Variants in INSC observed in about 807,000 individuals in gnomAD.
The protein encoded by INSC is INSC spindle orientation adaptor protein, also known as protein inscuteable homolog.
Under a neutral mutation model 58.6 loss-of-function variants are expected in INSC, and 67 were observed. The ratio of observed to expected loss-of-function variants is 1.14; its 90% CI spans 0.94 to 1.40. INSC has a LOEUF of 1.40. Among genes scored for constraint, INSC ranks in the 40% most tolerant of loss-of-function variants. INSC has a pLI of 0.00. For synonymous variants in INSC, 262 were observed against 276.1 expected, an observed-to-expected ratio of 0.95 and a Z score of 0.51; for missense variants, 714 against 692.0, an observed-to-expected ratio of 1.03 and a Z score of -0.36.
downstream of INSC, among the ~76,000 whole-genome samples, chr11:15,247,754 T>TATATATATATA (rs1222085174): frequency 1.3e-5 from 2 of 149,662 alleles, no homozygotes; most frequent in African/African-American, 4.9e-5. Context: ...TATATATATA[T>TATATATATATA]ATTTCACTGA....
At chr11:15,230,008 TATATAA>T (rs1564917831) in intron 9 of INSC, among the ~76,000 whole-genome samples, 1 of 26,576 alleles carries the variant, frequency 3.8e-5, no homozygotes, top group African/African-American at 1.7e-4. Flanking sequence ...TATATATATA[TATATAA>T]TATATATATA....
At chr11:15,269,530 T>C in the INSC span, among the ~76,000 whole-genome samples, 1 of 151,994 alleles carries the variant, frequency 6.6e-6, no homozygotes, top group African/African-American at 2.4e-5. Context: ...CTGATGGTTT[T>C]TTTTTTGTTT....
chr11:15,142,264 C>T (rs1052701117), intron 1 of INSC, among the ~76,000 whole-genome samples: 3 of 152,214 alleles, frequency 2.0e-5, no homozygotes, highest in African/African-American at 7.2e-5. Context: ...AAAGTGACCA[C>T]TCCTTTTTCT....
intron 5 of INSC, among the ~76,000 whole-genome samples, chr11:15,186,577 C>T (rs1050345430): frequency 3.3e-5 from 5 of 152,264 alleles, no homozygotes; most frequent in Middle Eastern, 3.4e-3. Context: ...CATTTATGTT[C>T]CTAAATTGGA....
At chr11:15,157,794 A>G (rs1034058499) in intron 2 of INSC, among the ~76,000 whole-genome samples, 2 of 152,014 alleles carry the variant, frequency 1.3e-5, no homozygotes, top group Non-Finnish European at 2.9e-5. Context: ...TGGTGGGGCC[A>G]TGTGGGATTC....
chr11:15,222,533 A>G (rs1378289552), intron 8 of INSC, among the ~76,000 whole-genome samples: 1 of 152,068 alleles, frequency 6.6e-6, no homozygotes, highest in Non-Finnish European at 1.5e-5. Context: ...CTTTTCACTC[A>G]TCCATTCAAG....
chr11:15,118,431 G>T (rs555119361), intron 1 of INSC, among the ~76,000 whole-genome samples: 1 of 152,314 alleles, frequency 6.6e-6, no homozygotes, highest in East Asian at 1.9e-4. Context: ...AGAATGATTA[G>T]AATAACTTGA....
At chr11:15,151,721 C>A (rs1848657267) in intron 2 of INSC, among the ~76,000 whole-genome samples, 1 of 152,160 alleles carries the variant, frequency 6.6e-6, no homozygotes, top group African/African-American at 2.4e-5. Context: ...ACCATCACAG[C>A]CTGGCCTTCA....
Position 15,176,073 on chromosome 11 carries a change from A to G in INSC, c.389A>G (p.Lys130Arg). Residue 130 changes from lysine to arginine, a missense_variant, in exon 3 of 13, where the codon AAG (lysine) becomes AGG (arginine). Coordinates refer to ENST00000379556, the MANE Select transcript of INSC (RefSeq NM_001042536.3). ...AGTGCTGTCAGCAGGAACTCCTTGA[A>G]GGAAATGGGCGAGGTCAGCTGCCCT... ...EYSAVSRNSL[K>R]EMGEIEKLLM... 1 of 1,526,652 alleles carries G rather than the reference A, an allele frequency of 6.6e-7. No individual in the cohort carries two copies. Among genetic ancestry groups the G allele is most frequent in the Non-Finnish European group, 8.9e-7 (1 of 1,126,492 alleles). 94.6% of individuals were successfully genotyped at this position (1,526,652 alleles called of 1,614,324 possible).
At chr11:15,122,544 C>A (rs1847898263) in intron 1 of INSC, among the ~76,000 whole-genome samples, 1 of 152,172 alleles carries the variant, frequency 6.6e-6, no homozygotes, top group Non-Finnish European at 1.5e-5. Flanking sequence ...AAACCTGGTC[C>A]TCTTCAGGTA....
chr11:15,179,249 AT>A (rs1849678925), intron 5 of INSC, among the ~76,000 whole-genome samples: 1 of 152,232 alleles, frequency 6.6e-6, no homozygotes, highest in Non-Finnish European at 1.5e-5. Flanking sequence ...GGTTAAATAC[AT>A]GTTATTTCCC....
chr11:15,205,621 G>T (rs1850764713), intron 7 of INSC, among the ~76,000 whole-genome samples: 1 of 152,150 alleles, frequency 6.6e-6, no homozygotes, highest in Non-Finnish European at 1.5e-5. Flanking sequence ...GTGGGAGAGG[G>T]GCTGGCCTGG....
At chr11:15,112,376 G>C (rs1169425267), upstream of INSC, 1 of 1,093,974 alleles carries the variant, frequency 9.1e-7, no homozygotes, top group Non-Finnish European at 1.3e-6. Context: ...GGCCTTCTCA[G>C]GGCCATGGCC....
At chr11:15,191,924 C>T (rs1016546315) in intron 6 of INSC, among the ~76,000 whole-genome samples, 2 of 152,208 alleles carry the variant, frequency 1.3e-5, no homozygotes, top group Admixed American at 1.3e-4. Context: ...GGCATCAAGA[C>T]AAGATGGCCT....
At position 15,246,284 on chromosome 11, in the gene INSC, C is replaced by T. The variant is rs1852563085; in HGVS notation, c.*244C>T. 3.1e-6 allele frequency: 1 copy of T among 327,718 alleles called. No homozygotes were observed. Among genetic ancestry groups the T allele is most frequent in the Non-Finnish European group, 5.7e-6 (1 of 176,738 alleles). The allele number at this position is 327,718 out of a possible 1,614,324, so 20.3% of individuals were successfully genotyped here. On this transcript the variant is annotated 3_prime_UTR_variant, in exon 13 of 13. Transcript: ENST00000379556. ...CTTTTCAGTTGCAGATGTTGAAATT[C>T]GTAATGACAAATATGACAAATTGTC... is the stretch of plus-strand genomic sequence containing the variant.
At chr11:15,264,306 T>G in the INSC span, among the ~76,000 whole-genome samples, 1 of 149,112 alleles carries the variant, frequency 6.7e-6, no homozygotes, top group Admixed American at 6.7e-5. Context: ...TGTATCTCTA[T>G]TCTGCTGCGG....
At chr11:15,216,851 C>T (rs1271050737) in intron 7 of INSC, among the ~76,000 whole-genome samples, 1 of 152,116 alleles carries the variant, frequency 6.6e-6, no homozygotes, top group African/African-American at 2.4e-5. Context: ...TTCAGGGCCC[C>T]AAGTCTAGGA....
chr11:15,170,753 G>A (rs538313201), intron 2 of INSC, among the ~76,000 whole-genome samples: 9 of 152,210 alleles, frequency 5.9e-5, no homozygotes, highest in Non-Finnish European at 1.3e-4. Flanking sequence ...TTTATATGAG[G>A]TAAGTCCTGT....
chr11:15,113,022 G>A (rs957755545), upstream of INSC, among the ~76,000 whole-genome samples: 1 of 152,026 alleles, frequency 6.6e-6, no homozygotes, highest in Non-Finnish European at 1.5e-5. Context: ...GTTTCTTTGA[G>A]GAAGAATTGG....
Sources: gnomAD v4.1 joint callset for allele counts (sites outside exome capture counted in the v4.1 genomes callset) on GRCh38, gnomAD v4.1.1 for gene constraint, MANE v1.5 for transcripts, NCBI Gene and HGNC (gene_info 2026-07-23, HGNC 2026-07-21) for gene names.